ARHGAP25: variants seen among roughly 807,000 people sequenced by gnomAD.
ARHGAP25 encodes Rho GTPase activating protein 25.
A neutral mutation model predicts 71.0 loss-of-function variants in ARHGAP25; 34 were observed. That is an observed-to-expected ratio of 0.48 (90% CI 0.36 to 0.64). The LOEUF (loss-of-function observed/expected upper bound fraction) is 0.64, where lower values mean the gene tolerates loss of function less well. ARHGAP25 is among the 30% of genes least tolerant of loss of function. The probability of loss-of-function intolerance (pLI) is 0.00; values close to 1 mark genes in which losing one functional copy is unlikely to be tolerated. For missense variants in ARHGAP25, 706 were observed against 805.1 expected (o/e 0.88, Z 1.49); for synonymous variants, 282 against 296.5 (o/e 0.95, Z 0.50).
Position 68,803,014 on chromosome 2 carries a change from T to G in ARHGAP25, c.467-4259T>G, listed in dbSNP as rs190227710. ...ACATATACATACATACATATATATA[T>G]ATATAGAGAGAGAGATCTGGACCAG... is the stretch of plus-strand genomic sequence containing the variant. On this transcript the variant is annotated intron_variant, in intron 4 of 10. Transcript: ENST00000409202. Among the ~76,000 whole-genome samples, 923 of 150,798 alleles carry G rather than the reference T, an allele frequency of 6.1e-3. 5 individuals carry two copies. The highest frequency in any genetic ancestry group is 0.033 in the East Asian group (167 of 5,098).
chr2:68,761,468 T>C (rs1676813743), intron 1 of ARHGAP25, among the ~76,000 whole-genome samples: 1 of 151,898 alleles, frequency 6.6e-6, no homozygotes, highest in Non-Finnish European at 1.5e-5. Flanking sequence ...GGGGAAAATA[T>C]TTGCAAATCA....
At chr2:68,751,054 G>A (rs1169036262) in intron 1 of ARHGAP25, among the ~76,000 whole-genome samples, 2 of 152,180 alleles carry the variant, frequency 1.3e-5, no homozygotes, top group East Asian at 1.9e-4. Flanking sequence ...ATCCTAGAAG[G>A]ACTTGTTTTT....
chr2:68,782,657 T>G (rs10208650), intron 3 of ARHGAP25, among the ~76,000 whole-genome samples: 128,731 of 152,200 alleles, frequency 0.85, 54,784 homozygotes, highest in African/African-American at 0.88. Context: ...AATGAACTCA[T>G]TGTAGAAGGA....
chr2:68,747,490 C>G (rs1317391880), intron 1 of ARHGAP25, among the ~76,000 whole-genome samples: 1 of 152,148 alleles, frequency 6.6e-6, no homozygotes. Context: ...GGCTCCGGTC[C>G]CAGGGCTCAG....
At chr2:68,721,859 G>C (rs1025768392) in intron 2 of ARHGAP25, among the ~76,000 whole-genome samples, 1 of 152,176 alleles carries the variant, frequency 6.6e-6, no homozygotes, top group Non-Finnish European at 1.5e-5. Context: ...TCTAGGTGTC[G>C]AGATTATAAC....
chr2:68,824,722 A>G (rs111820014), intron 10 of ARHGAP25, among the ~76,000 whole-genome samples: 15,275 of 152,116 alleles, frequency 0.1, 1,201 homozygotes, highest in African/African-American at 0.21. Flanking sequence ...AGCCTGGGCA[A>G]CAGAGCGAGA....
chr2:68,802,993 A>G (rs1226104117), intron 4 of ARHGAP25, among the ~76,000 whole-genome samples: 2 of 151,644 alleles, frequency 1.3e-5, no homozygotes, highest in African/African-American at 4.8e-5. Flanking sequence ...ATACACACAT[A>G]TACATACATA....
rs370768048 is a variant in ARHGAP25, at chr2:68,822,758, G to A, written c.1619G>A (p.Gly540Glu). ...CTTGCCAGTCCAAACTCTGAAACTG[G>A]GCCTGGAAAAAAGAACTCTGGAGAA... ...DTLASPNSET[G>E]PGKKNSGEEE... The change falls in exon 10 of 11, where the codon GGG becomes GAG. Residue 540 changes from glycine to glutamate, a missense_variant. Gly to Glu is a moderately conservative substitution (Grantham distance 98). Coordinates refer to ENST00000409202, the MANE Select transcript of ARHGAP25 (RefSeq NM_001007231.3). 4.3e-6 allele frequency: 7 copies of A among 1,614,014 alleles called. No homozygotes were observed. Among genetic ancestry groups the A allele is most frequent in the Non-Finnish European group, 5.9e-6 (7 of 1,180,020 alleles).
chr2:68,800,688 G>A (rs4854454), intron 4 of ARHGAP25, among the ~76,000 whole-genome samples: 6,911 of 152,060 alleles, frequency 0.045, 270 homozygotes, highest in African/African-American at 0.097. Context: ...ATATGACCTC[G>A]GAAAAATTCC....
At chr2:68,797,228 G>A (rs1315306377) in intron 4 of ARHGAP25, among the ~76,000 whole-genome samples, 1 of 152,154 alleles carries the variant, frequency 6.6e-6, no homozygotes, top group Non-Finnish European at 1.5e-5. Flanking sequence ...GGGGGTAGAG[G>A]AAGTCCTTAG....
chr2:68,801,709 T>A (rs377295619), intron 4 of ARHGAP25, among the ~76,000 whole-genome samples: 17 of 151,908 alleles, frequency 1.1e-4, no homozygotes, highest in African/African-American at 2.4e-4. Flanking sequence ...CTTTGAGGGG[T>A]CCACAGTCCA....
intron 2 of ARHGAP25, among the ~76,000 whole-genome samples, chr2:68,722,238 T>G (rs1355386598): frequency 1.3e-5 from 2 of 152,218 alleles, no homozygotes; most frequent in African/African-American, 2.4e-5. Flanking sequence ...CTAAGGGCTC[T>G]TCAGAACTCC....
chr2:68,818,310 A>G (rs548497913), intron 8 of ARHGAP25, among the ~76,000 whole-genome samples: 1 of 151,716 alleles, frequency 6.6e-6, no homozygotes, highest in East Asian at 1.9e-4. Flanking sequence ...AGCAGGTTTC[A>G]TTTTATTTTA....
chr2:68,757,746 A>G (rs1282390213), intron 1 of ARHGAP25: 1 of 152,132 alleles, frequency 6.6e-6, no homozygotes, highest in Non-Finnish European at 1.5e-5. Flanking sequence ...TACATCTATG[A>G]TTTTAAAAGT....
chr2:68,779,111 C>T (rs181926503), intron 2 of ARHGAP25, among the ~76,000 whole-genome samples: 6 of 152,306 alleles, frequency 3.9e-5, no homozygotes, highest in South Asian at 2.1e-4. Flanking sequence ...TCTCATCTGC[C>T]TGTTTTCTGA....
chr2:68,726,824 G>C (rs907044611), intron 2 of ARHGAP25, among the ~76,000 whole-genome samples: 2 of 152,202 alleles, frequency 1.3e-5, no homozygotes, highest in African/African-American at 4.8e-5. Flanking sequence ...GGCTCACACA[G>C]AGTGTTCAGA....
intron 4 of ARHGAP25, among the ~76,000 whole-genome samples, chr2:68,791,766 T>G (rs1488454318): frequency 6.6e-6 from 1 of 152,156 alleles, no homozygotes; most frequent in African/African-American, 2.4e-5. Context: ...TGGGCTCCTT[T>G]TCTCCCTTGA....
At chr2:68,765,719 AT>A (rs1161189406) in intron 1 of ARHGAP25, among the ~76,000 whole-genome samples, 1 of 152,192 alleles carries the variant, frequency 6.6e-6, no homozygotes, top group Non-Finnish European at 1.5e-5. Flanking sequence ...TTTATCCATG[AT>A]CAAATTGTCT....
rs1002562606 is a variant in ARHGAP25, at chr2:68,767,307, G to A, written c.62-7914G>A. ...AAGACAGAAAAGGGATACAGAAAGC[G>A]AGCCTGAAGTTTCTGAAGTCACATG... is the stretch of plus-strand genomic sequence containing the variant. On this transcript the variant is annotated intron_variant, in intron 1 of 10. Coordinates refer to ENST00000409202, the MANE Select transcript of ARHGAP25 (RefSeq NM_001007231.3). This position sits in a 1 kb window ranked among gnomAD's most constrained non-coding sequence, Gnocchi z 4.6. Among the ~76,000 whole-genome samples, 4 of 152,092 alleles carry A rather than the reference G, an allele frequency of 2.6e-5. No homozygotes were observed. The highest frequency in any genetic ancestry group is 3.8e-4 in the East Asian group (2 of 5,202).
Sources: allele counts gnomAD v4.1 joint callset (sites outside exome capture counted in the v4.1 genomes callset), GRCh38; gene constraint gnomAD v4.1.1; non-coding constraint Gnocchi (gnomAD v3.1); transcripts MANE v1.5; gene names NCBI Gene and HGNC (gene_info 2026-07-23, HGNC 2026-07-21).